Variants in HTR6 observed in about 807,000 individuals in gnomAD.
HTR6 encodes the protein 5-hydroxytryptamine (serotonin) receptor 6, G protein-coupled.
Under a neutral mutation model 17.4 loss-of-function variants are expected in HTR6, and 15 were observed. The observed-to-expected ratio is 0.86, with a 90% CI of 0.58 to 1.33. The LOEUF (loss-of-function observed/expected upper bound fraction) is 1.33. Among genes scored for constraint, HTR6 ranks in the 40% most tolerant of loss-of-function variants. The probability of loss-of-function intolerance (pLI) is 0.00; values close to 1 mark genes in which losing one functional copy is unlikely to be tolerated. For missense variants in HTR6, 578 were observed against 616.0 expected, an observed-to-expected ratio of 0.94 and a Z score of 0.65; for synonymous variants, 326 against 295.5, an observed-to-expected ratio of 1.10 and a Z score of -1.06.
chr1:19,673,825 G>A (rs1028360810), intron 1 of HTR6, among the ~76,000 whole-genome samples: 1 of 151,498 alleles, frequency 6.6e-6, no homozygotes, highest in East Asian at 1.9e-4. Context: ...TCACTCCCAG[G>A]GACATGCATC....
At chr1:19,678,266 T>G (rs2095096764) in intron 1 of HTR6, among the ~76,000 whole-genome samples, 1 of 151,800 alleles carries the variant, frequency 6.6e-6, no homozygotes, top group African/African-American at 2.4e-5. Flanking sequence ...GAGCTCAGTC[T>G]AGGTCCACAG....
Position 19,680,915 on chromosome 1 carries a change from CT to C in HTR6, c.*1548del, listed in dbSNP as rs2095101738. On this transcript the variant is annotated 3_prime_UTR_variant, in exon 3 of 3. Coordinates refer to ENST00000289753, the MANE Select transcript of HTR6 (RefSeq NM_000871.3). ...GGCCATGGTGCTTGCGGGGCTTCCCCTATCCCCCAGGTCTGCCCAAGGGGAC... is the reference window on the plus strand; with the variant it reads ...GGCCATGGTGCTTGCGGGGCTTCCCCATCCCCCAGGTCTGCCCAAGGGGAC... Among the ~76,000 whole-genome samples the C allele has an allele frequency of 6.6e-6, 1 of 152,196 alleles. No homozygotes were observed. Among genetic ancestry groups the C allele is most frequent in the Admixed American group, 6.5e-5 (1 of 15,278 alleles).
At position 19,679,611 on chromosome 1, in the gene HTR6, AGAG is replaced by A. The variant is rs1447090571; in HGVS notation, c.*246_*248del. The A allele has an allele frequency of 1.1e-5, 6 of 543,408 alleles. No individual in the cohort carries two copies. The highest frequency in any genetic ancestry group is 1.9e-5 in the Non-Finnish European group (6 of 320,816). 33.7% of individuals were successfully genotyped at this position (543,408 alleles called of 1,614,324 possible). ...ACTGTTGAGTGTAACTTGTGTGTGCAGAGGATGGGCTGGAGGACTCTGGATGTT... is the reference window on the plus strand; with the variant it reads ...ACTGTTGAGTGTAACTTGTGTGTGCAGATGGGCTGGAGGACTCTGGATGTT... On this transcript the variant is annotated 3_prime_UTR_variant, in exon 3 of 3. Coordinates refer to ENST00000289753, the MANE Select transcript of HTR6 (RefSeq NM_000871.3). The surrounding 1 kb of genome is among the most constrained non-coding windows in gnomAD (Gnocchi z 4.9).
rs1196836156 is a variant in HTR6, at chr1:19,665,662, A to T, written c.-92A>T. 3 of 848,348 alleles carry T rather than the reference A, an allele frequency of 3.5e-6. No homozygotes were observed. The highest frequency in any genetic ancestry group is 2.9e-5 in the Admixed American group (1 of 34,496). 52.6% of individuals were successfully genotyped at this position (848,348 alleles called of 1,614,324 possible). On this transcript the variant is annotated 5_prime_UTR_variant, in exon 1 of 3. Coordinates refer to ENST00000289753, the MANE Select transcript of HTR6 (RefSeq NM_000871.3). The surrounding 1 kb of genome is among the most constrained non-coding windows in gnomAD (Gnocchi z 4.2). ...GCGTGGTGAGTCGCGGTCTGTTCTCACGGACGGTCCCCGTCCAGCCTGCGC... is the reference window on the plus strand; with the variant it reads ...GCGTGGTGAGTCGCGGTCTGTTCTCTCGGACGGTCCCCGTCCAGCCTGCGC...
intron 1 of HTR6, among the ~76,000 whole-genome samples, chr1:19,669,668 C>T (rs1446932637): frequency 1.3e-5 from 2 of 152,210 alleles, no homozygotes; most frequent in Non-Finnish European, 2.9e-5. Flanking sequence ...GTCCTCAGTC[C>T]TCGGAGCATC....
intron 1 of HTR6, among the ~76,000 whole-genome samples, chr1:19,668,148 A>C (rs3790754): frequency 0.027 from 4,161 of 152,266 alleles, 134 homozygotes; most frequent in African/African-American, 0.074. Flanking sequence ...CTCCCTGTAG[A>C]ACATTCTTGA....
chr1:19,667,385 T>G (rs1311587561), intron 1 of HTR6, among the ~76,000 whole-genome samples: 1 of 152,156 alleles, frequency 6.6e-6, no homozygotes, highest in Non-Finnish European at 1.5e-5. Flanking sequence ...TCACACATAT[T>G]GAGATCAGTT....
chr1:19,670,778 C>T (rs1340312520), intron 1 of HTR6, among the ~76,000 whole-genome samples: 1 of 152,212 alleles, frequency 6.6e-6, no homozygotes, highest in East Asian at 1.9e-4. Context: ...TTTCTGTTTT[C>T]CCCCATGGTC....
chr1:19,665,894 G>A lies in HTR6; in HGVS notation c.141G>A (p.Leu47=). Residue 47 remains leucine (L), a synonymous_variant, in exon 1 of 3, where the codon CTG becomes CTA. Transcript: ENST00000289753. This position sits in a 1 kb window ranked among gnomAD's most constrained non-coding sequence, Gnocchi z 4.2. ...IALTAAANSL[L]IALICTQPAL... ...TGACGGCGGCGGCCAACTCGCTGCTGATCGCGCTCATCTGCACTCAGCCCG... is the reference window on the plus strand; with the variant it reads ...TGACGGCGGCGGCCAACTCGCTGCTAATCGCGCTCATCTGCACTCAGCCCG... 6.2e-7 allele frequency: 1 copy of A among 1,610,974 alleles called. No homozygotes were observed. Among genetic ancestry groups the A allele is most frequent in the Non-Finnish European group, 8.5e-7 (1 of 1,179,028 alleles).
intron 1 of HTR6, among the ~76,000 whole-genome samples, chr1:19,677,073 G>C (rs768175570): frequency 3.2e-4 from 49 of 152,220 alleles, no homozygotes; most frequent in Admixed American, 9.8e-4. Context: ...TCACATCCCA[G>C]CTTTCACGGA....
intron 1 of HTR6, among the ~76,000 whole-genome samples, chr1:19,676,671 G>C (rs992547138): frequency 6.6e-6 from 1 of 152,162 alleles, no homozygotes; most frequent in African/African-American, 2.4e-5. Flanking sequence ...AGTGGGGTGG[G>C]GTGTTGGCTT....
intron 1 of HTR6, among the ~76,000 whole-genome samples, chr1:19,669,146 G>C (rs772026927): frequency 3.3e-5 from 5 of 152,212 alleles, no homozygotes; most frequent in Non-Finnish European, 7.3e-5. Context: ...GATGTGAGAA[G>C]TTGGCTGGTC....
chr1:19,679,427 C>A lies in HTR6; in HGVS notation c.*59C>A, dbSNP rs576641032. 16 of 1,476,126 alleles carry A rather than the reference C, an allele frequency of 1.1e-5. No individual in the cohort carries two copies. The South Asian group carries it at 1.9e-4, about 18-fold the overall frequency. The allele number at this position is 1,476,126 out of a possible 1,614,324, so 91.4% of individuals were successfully genotyped here. A position where few individuals can be genotyped will look rare whatever the true frequency, so the allele number is the denominator to read the frequency against. ...TTGAGCAGAACCCAGACCCTGAGTC[C>A]TTGGGCCAGCTCTTGGCTAAGACCA... On this transcript the variant is annotated 3_prime_UTR_variant, in exon 3 of 3. Coordinates refer to ENST00000289753, the MANE Select transcript of HTR6 (RefSeq NM_000871.3). This position sits in a 1 kb window ranked among gnomAD's most constrained non-coding sequence, Gnocchi z 4.9.
At chr1:19,667,114 C>T (rs2095082570) in intron 1 of HTR6, among the ~76,000 whole-genome samples, 1 of 152,202 alleles carries the variant, frequency 6.6e-6, no homozygotes, top group Admixed American at 6.5e-5. Context: ...CTCTCCCTCT[C>T]TCTTACTCTG....
In HTR6 at chr1:19,679,155, G is replaced by A. The variant is rs1256798514; in HGVS notation, c.1110G>A (p.Leu370=). ...PRPGLSLQQV[L]PLPLPPDSDS... The stretch of plus-strand genomic sequence containing the variant: ...CCGGCCTTAGCCTACAGCAGGTGCT[G>A]CCGCTGCCCCTGCCGCCGGACTCAG... The change falls in exon 3 of 3, where the codon CTG becomes CTA. Residue 370 remains leucine (L), a synonymous_variant. Transcript: ENST00000289753. The surrounding 1 kb of genome is among the most constrained non-coding windows in gnomAD (Gnocchi z 4.9). 1.2e-6 allele frequency: 2 copies of A among 1,603,046 alleles called. No individual in the cohort carries two copies. Among genetic ancestry groups the A allele is most frequent in the African/African-American group, 2.7e-5 (2 of 74,676 alleles).
At chr1:19,678,289 T>C (rs572447597) in intron 1 of HTR6, among the ~76,000 whole-genome samples, 1 of 151,754 alleles carries the variant, frequency 6.6e-6, no homozygotes, top group East Asian at 1.9e-4. Flanking sequence ...GAGGCTTGGT[T>C]TGAGAACTTG....
At chr1:19,672,141 C>T (rs937359717) in intron 1 of HTR6, among the ~76,000 whole-genome samples, 12 of 151,750 alleles carry the variant, frequency 7.9e-5, no homozygotes, top group African/African-American at 2.2e-4. Flanking sequence ...CCAGCCTCCT[C>T]CTCTTCCTGG....
At chr1:19,676,288 C>G (rs905322120) in intron 1 of HTR6, among the ~76,000 whole-genome samples, 5 of 152,200 alleles carry the variant, frequency 3.3e-5, no homozygotes, top group African/African-American at 1.2e-4. Context: ...CAGAGGCTCT[C>G]TCAAGATCAC....
intron 1 of HTR6, 32 bp from the exon 2 acceptor site, chr1:19,678,535 T>C: frequency 6.2e-7 from 1 of 1,611,946 alleles, no homozygotes; most frequent in Non-Finnish European, 8.5e-7. Context: ...GGGCCCTTTC[T>C]CAACGGACTC....
Sources: allele counts gnomAD v4.1 joint callset (sites outside exome capture counted in the v4.1 genomes callset), GRCh38; gene constraint gnomAD v4.1.1; non-coding constraint Gnocchi (gnomAD v3.1); transcripts MANE v1.5; gene names NCBI Gene and HGNC (gene_info 2026-07-23, HGNC 2026-07-21).